The following TENM2 variants were observed in gnomAD, a reference collection of about 807,000 sequenced individuals.
TENM2 encodes the protein teneurin-2.
TENM2 carries 52 observed loss-of-function variants against 245.2 expected under a neutral mutation model. The observed-to-expected ratio is 0.21, with a 90% confidence interval of 0.17 to 0.27. The LOEUF (loss-of-function observed/expected upper bound fraction) is 0.27. Among genes scored for constraint, TENM2 ranks in the 10% least tolerant of loss-of-function variants. TENM2 has a pLI of 1.00. For synonymous variants in TENM2, 1,363 were observed against 1,438.9 expected (o/e 0.95, Z 1.19); for missense variants, 3,046 against 3,666.8 (o/e 0.83, Z 4.37).
chr5:167,560,615 A>G (rs1219249356), intron 2 of TENM2, among the ~76,000 whole-genome samples: 5 of 152,218 alleles, frequency 3.3e-5, no homozygotes, highest in Non-Finnish European at 7.3e-5. Context: ...CCATAACTGT[A>G]AAATGCAGAT....
chr5:167,490,528 G>T (rs1241949435), intron 2 of TENM2, among the ~76,000 whole-genome samples: 1 of 151,866 alleles, frequency 6.6e-6, no homozygotes, highest in Non-Finnish European at 1.5e-5. Context: ...ATTGTATAAT[G>T]CATTTTTGAT....
intron 2 of TENM2, among the ~76,000 whole-genome samples, chr5:167,394,046 G>T (rs1761915637): frequency 6.6e-6 from 1 of 152,100 alleles, no homozygotes; most frequent in Admixed American, 6.6e-5. Flanking sequence ...CTCATATATG[G>T]TATGCAAATA....
In TENM2 at chr5:167,682,655, G is replaced by A. The variant is rs561761087; in HGVS notation, c.503-193331G>A. Reference sequence around the variant, plus strand: ...TATGGAGATTCTTTGTTAACCGTTCGTATTTATATGTACAGGCAGAGCTCA... The same window carrying A: ...TATGGAGATTCTTTGTTAACCGTTCATATTTATATGTACAGGCAGAGCTCA... On this transcript the variant is annotated intron_variant, in intron 2 of 28. Coordinates refer to ENST00000518659, the Ensembl canonical transcript of TENM2. Among the ~76,000 whole-genome samples, 113 of 152,036 alleles carry A rather than the reference G, an allele frequency of 7.4e-4. 1 individual carries two copies. The highest frequency in any genetic ancestry group is 2.1e-3 in the South Asian group (10 of 4,818).
the TENM2 span, among the ~76,000 whole-genome samples, chr5:167,014,847 G>T: frequency 1.3e-5 from 2 of 152,192 alleles, no homozygotes; most frequent in African/African-American, 2.4e-5. Context: ...TTCACCTTTT[G>T]CCCTAAATAA....
At chr5:167,695,393 T>A (rs983081895) in intron 2 of TENM2, among the ~76,000 whole-genome samples, 1 of 152,202 alleles carries the variant, frequency 6.6e-6, no homozygotes, top group Non-Finnish European at 1.5e-5. Flanking sequence ...ATTTTACATG[T>A]GAAATGTTAT....
intron 13 of TENM2, 117 bp from the exon 16 acceptor site, chr5:168,190,220 G>A (rs1760828574): frequency 1.4e-6 from 1 of 697,082 alleles, no homozygotes; most frequent in Admixed American, 2.8e-5. Flanking sequence ...TGCCACCTCA[G>A]GCCCTTGGGT....
At chr5:167,271,125 T>C in the TENM2 span, among the ~76,000 whole-genome samples, 3 of 152,126 alleles carry the variant, frequency 2.0e-5, no homozygotes, top group Non-Finnish European at 1.5e-5. Context: ...GGGTGTTCAA[T>C]CTTTTTCTTC....
At chr5:167,699,673 G>C (rs994261604) in intron 2 of TENM2, among the ~76,000 whole-genome samples, 2 of 152,198 alleles carry the variant, frequency 1.3e-5, no homozygotes, top group Non-Finnish European at 2.9e-5. Flanking sequence ...CCTATGGCCT[G>C]ACTTGCAGCT....
At chr5:167,583,391 G>A (rs1227333387) in intron 2 of TENM2, among the ~76,000 whole-genome samples, 1 of 151,638 alleles carries the variant, frequency 6.6e-6, no homozygotes, top group Non-Finnish European at 1.5e-5. Flanking sequence ...CAGCAGAAGT[G>A]CCTAAAGGTG....
At chr5:167,577,943 G>T (rs371275218) in intron 2 of TENM2, among the ~76,000 whole-genome samples, 4 of 152,314 alleles carry the variant, frequency 2.6e-5, no homozygotes, top group Admixed American at 1.3e-4. Context: ...GGACCCTGAG[G>T]AGCCTGTCTT....
chr5:167,738,685 T>C (rs886716968), intron 2 of TENM2, among the ~76,000 whole-genome samples: 4 of 152,178 alleles, frequency 2.6e-5, no homozygotes, highest in African/African-American at 9.7e-5. Context: ...AAGTCCAAGA[T>C]CGAGGTGTCA....
intron 2 of TENM2, among the ~76,000 whole-genome samples, chr5:167,404,114 A>C (rs1300270142): frequency 1.3e-5 from 2 of 152,078 alleles, no homozygotes; most frequent in South Asian, 2.1e-4. Context: ...TATATTTTAA[A>C]CCAATTTAAC....
rs1049061088 is a variant in TENM2 at position 167,318,428 on chromosome 5, A to T, written c.226+33365A>T. On this transcript the variant is annotated intron_variant, in intron 1 of 28. Transcript: ENST00000518659. ...AATTTAAGAATAGATGAAGTTGTTC[A>T]TTTTTTTTTTTTTTACACAATTACA... Among the ~76,000 whole-genome samples the T allele has an allele frequency of 6.2e-4, 90 of 144,940 alleles. 1 individual carries two copies. In the Middle Eastern group the frequency reaches 0.011, roughly 18 times the overall value.
Position 167,358,295 on chromosome 5 carries a change from A to T in TENM2, c.227-16903A>T, listed in dbSNP as rs542627173. On this transcript the variant is annotated intron_variant, in intron 1 of 28. Transcript: ENST00000518659. ...CATAATTGCTCTTGCCAAGGTCACC[A>T]ATGATTACTATGTTGCTACATCATA... is the stretch of plus-strand genomic sequence containing the variant. 2.4e-4 allele frequency among the ~76,000 whole-genome samples: 36 copies of T among 152,258 alleles called. No homozygotes were observed. The South Asian group carries it at 5.4e-3, about 23-fold the overall frequency.
chr5:167,466,587 A>T (rs1561980046), intron 2 of TENM2, among the ~76,000 whole-genome samples: 1 of 152,192 alleles, frequency 6.6e-6, no homozygotes, highest in Non-Finnish European at 1.5e-5. Context: ...TTGATAACTA[A>T]ACATAGTTTT....
At chr5:166,979,174 T>C in the TENM2 span, among the ~76,000 whole-genome samples, 3 of 132,384 alleles carry the variant, frequency 2.3e-5, no homozygotes, top group East Asian at 2.3e-4. Context: ...GTTTCCGAAG[T>C]AGCAGCAGCA....
intron 2 of TENM2, among the ~76,000 whole-genome samples, chr5:167,779,197 G>T (rs1764013796): frequency 6.6e-6 from 1 of 152,194 alleles, no homozygotes. Flanking sequence ...GTTTTGTGCT[G>T]CATGTTGTAA....
At chr5:167,021,073 G>C in the TENM2 span, among the ~76,000 whole-genome samples, 58 of 152,324 alleles carry the variant, frequency 3.8e-4, no homozygotes, top group African/African-American at 9.9e-4. Context: ...CAACCCAGGA[G>C]GGGGAGGTTG....
At chr5:167,944,749 G>A (rs1405863210) in intron 3 of TENM2, among the ~76,000 whole-genome samples, 1 of 152,210 alleles carries the variant, frequency 6.6e-6, no homozygotes, top group Non-Finnish European at 1.5e-5. Flanking sequence ...TCTAAAATTA[G>A]ATAGTGGTGA....
Sources: gnomAD v4.1 joint callset for allele counts (sites outside exome capture counted in the v4.1 genomes callset) on GRCh38, gnomAD v4.1.1 for gene constraint, MANE v1.5 for transcripts, NCBI Gene and HGNC (gene_info 2026-07-23, HGNC 2026-07-21) for gene names.